Variants in FSD1L observed in about 807,000 individuals in gnomAD.
FSD1L encodes the protein fibronectin type III and SPRY domain containing 1 like.
Under a neutral mutation model 71.6 loss-of-function variants are expected in FSD1L, and 45 were observed. That is an observed-to-expected ratio of 0.63 (90% confidence interval 0.49 to 0.81). The LOEUF (loss-of-function observed/expected upper bound fraction) is 0.81, where lower values mean the gene tolerates loss of function less well. Among genes scored for constraint, FSD1L ranks in the 30% least tolerant of loss-of-function variants. The probability of loss-of-function intolerance (pLI) is 0.00; values close to 1 mark genes in which losing one functional copy is unlikely to be tolerated. For missense variants in FSD1L, 561 were observed against 618.1 expected (o/e 0.91, Z 0.98); for synonymous variants, 197 against 207.2 (o/e 0.95, Z 0.42).
chr9:105,537,755 G>A (rs761224894), intron 12 of FSD1L, among the ~76,000 whole-genome samples: 1 of 152,004 alleles, frequency 6.6e-6, no homozygotes, highest in African/African-American at 2.4e-5. Context: ...AAGACTTTTC[G>A]GGAAGCAGTC....
chr9:105,459,582 C>T (rs1186272786), intron 1 of FSD1L, among the ~76,000 whole-genome samples: 1 of 152,172 alleles, frequency 6.6e-6, no homozygotes. Flanking sequence ...GGGAACTTTG[C>T]GAATATTTCC....
At chr9:105,487,635 G>A (rs995487773) in intron 7 of FSD1L, among the ~76,000 whole-genome samples, 1 of 151,964 alleles carries the variant, frequency 6.6e-6, no homozygotes, top group African/African-American at 2.4e-5. Flanking sequence ...ATGTATTAAG[G>A]AAGTCAACCT....
At position 105,535,154 on chromosome 9, in the gene FSD1L, A is replaced by G. The variant is rs2131494188; in HGVS notation, c.1214A>G (p.Lys405Arg). Residue 405 changes from lysine (K) to arginine (R), a missense_variant, in exon 12 of 14, where the codon AAA (lysine) becomes AGA (arginine). Transcript: ENST00000481272. ...TCCTACAGTGTGGGAGTAGCATACA[A>G]AACGTTGGGGAAATTTGACCAATTG... ...CKSYSVGVAY[K>R]TLGKFDQLGK... 6.4e-7 allele frequency: 1 copy of G among 1,551,968 alleles called. No individual in the cohort carries two copies. The highest frequency in any genetic ancestry group is 8.7e-7 in the Non-Finnish European group (1 of 1,147,028).
intron 3 of FSD1L, among the ~76,000 whole-genome samples, chr9:105,466,729 A>C (rs1322144396): frequency 6.6e-6 from 1 of 152,072 alleles, no homozygotes. Context: ...GCTATCTTGA[A>C]CTATTTTATT....
chr9:105,452,669 G>GCCTTCCTTCCTTCCTTCCTT lies in FSD1L; in HGVS notation c.15+4464_15+4483dup, dbSNP rs1166449916. On this transcript the variant is annotated intron_variant, in intron 1 of 13. Transcript: ENST00000481272. ...TGCCTGCCTGCCTGCCTGCCTGCCT[G>GCCTTCCTTCCTTCCTTCCTT]CCTTCCTTCCTTCCTTCCTTCCTTC... is the stretch of plus-strand genomic sequence containing the variant. Among the ~76,000 whole-genome samples the GCCTTCCTTCCTTCCTTCCTT allele has an allele frequency of 2.5e-3, 239 of 96,216 alleles. 2 individuals carry two copies. Among genetic ancestry groups the GCCTTCCTTCCTTCCTTCCTT allele is most frequent in the African/African-American group, 4.9e-3 (116 of 23,580 alleles). The allele number at this position is 96,216 out of a possible 152,430, so 63.1% of individuals were successfully genotyped here.
chr9:105,447,852 A>C, upstream of FSD1L: 1 of 354,636 alleles, frequency 2.8e-6, no homozygotes, highest in Non-Finnish European at 5.1e-6. Flanking sequence ...GGCCTATTTC[A>C]GGGCCGGAGA....
At chr9:105,504,860 G>A (rs1340502865) in intron 7 of FSD1L, among the ~76,000 whole-genome samples, 1 of 152,094 alleles carries the variant, frequency 6.6e-6, no homozygotes. Context: ...GATACAGAGG[G>A]CCAACTTTGC....
intron 10 of FSD1L, among the ~76,000 whole-genome samples, chr9:105,533,414 A>ATTTTTTTTTTTTTTTT (rs1271918066): frequency 3.1e-3 from 41 of 13,366 alleles, no homozygotes; most frequent in South Asian, 7.6e-3. Context: ...TGCCATTTCC[A>ATTTTTTTTTTTTTTTT]TCTTTTTTTT....
At chr9:105,445,963 C>G (rs1829633165), upstream of FSD1L, among the ~76,000 whole-genome samples, 1 of 152,206 alleles carries the variant, frequency 6.6e-6, no homozygotes, top group Admixed American at 6.5e-5. Flanking sequence ...CCAGCCTTAG[C>G]CAAGCTCTTC....
At position 105,531,880 on chromosome 9, in the gene FSD1L, T is replaced by C. The variant is rs192344222; in HGVS notation, c.1026-2613T>C. On this transcript the variant is annotated intron_variant, in intron 10 of 13. Coordinates refer to ENST00000481272, the MANE Select transcript of FSD1L (RefSeq NM_001145313.3). ...ATTTATATACCGTGTTGAAACAATT[T>C]TACTTTCGCCCTCTTCCTTTTCATG... Among the ~76,000 whole-genome samples the C allele has an allele frequency of 1.6e-3, 246 of 152,340 alleles. 2 individuals carry two copies. Among genetic ancestry groups the C allele is most frequent in the Middle Eastern group, 3.4e-3 (1 of 294 alleles).
intron 10 of FSD1L, chr9:105,521,588 A>T: frequency 1.2e-6 from 2 of 1,613,354 alleles, no homozygotes; most frequent in Non-Finnish European, 1.7e-6. Context: ...AAGAGGAAAA[A>T]CCTTTGTTCA....
At chr9:105,521,076 A>G (rs1190552236) in intron 10 of FSD1L, 3 of 1,613,476 alleles carry the variant, frequency 1.9e-6, no homozygotes, top group Non-Finnish European at 1.7e-6. Flanking sequence ...GATGAGACCA[A>G]AGCCACATTA....
At chr9:105,530,422 T>C in intron 10 of FSD1L, 1 of 499,130 alleles carries the variant, frequency 2.0e-6, no homozygotes, top group Non-Finnish European at 3.5e-6. Context: ...TACTTAACTT[T>C]TCTCTGAAAT....
In FSD1L at chr9:105,448,216, T is replaced by G; in HGVS notation, c.-5T>G. The stretch of plus-strand genomic sequence containing the variant: ...GTTCGAGCCCAGTGGGCTTAGCCAC[T>G]CGCCATGGACTCCCAGAAAGTAAGC... On this transcript the variant is annotated 5_prime_UTR_variant, in exon 1 of 14. Coordinates refer to ENST00000481272, the MANE Select transcript of FSD1L (RefSeq NM_001145313.3). 1.3e-6 allele frequency: 2 copies of G among 1,527,188 alleles called. No homozygotes were observed. Among genetic ancestry groups the G allele is most frequent in the Non-Finnish European group, 1.8e-6 (2 of 1,134,154 alleles). 94.6% of individuals were successfully genotyped at this position (1,527,188 alleles called of 1,614,324 possible).
intron 7 of FSD1L, among the ~76,000 whole-genome samples, chr9:105,491,970 T>G (rs567492809): frequency 3.5e-4 from 53 of 152,210 alleles, no homozygotes; most frequent in African/African-American, 1.2e-3. Flanking sequence ...CTTTTTTGGT[T>G]GTGTCTCTGC....
At chr9:105,445,862 G>T (rs1385062404), upstream of FSD1L, among the ~76,000 whole-genome samples, 3 of 152,110 alleles carry the variant, frequency 2.0e-5, no homozygotes, top group Non-Finnish European at 4.4e-5. Flanking sequence ...ACTAAGAGAT[G>T]GGCATCTCTT....
chr9:105,494,235 C>G (rs1833180067), intron 7 of FSD1L, among the ~76,000 whole-genome samples: 1 of 152,142 alleles, frequency 6.6e-6, no homozygotes, highest in Admixed American at 6.5e-5. Flanking sequence ...TCCCTTCTCG[C>G]TTCATTTCAT....
intron 13 of FSD1L, among the ~76,000 whole-genome samples, chr9:105,544,269 A>T (rs997381995): frequency 6.6e-6 from 1 of 151,898 alleles, no homozygotes; most frequent in Non-Finnish European, 1.5e-5. Context: ...CCACTTTTTG[A>T]TGGGGTTGTT....
chr9:105,526,394 G>A (rs1220210916), intron 10 of FSD1L: 1 of 1,613,222 alleles, frequency 6.2e-7, no homozygotes, highest in Non-Finnish European at 8.5e-7. Context: ...CTCCTACCCA[G>A]AGATTCTACC....
Sources: gnomAD v4.1 joint callset for allele counts (sites outside exome capture counted in the v4.1 genomes callset) on GRCh38, gnomAD v4.1.1 for gene constraint, MANE v1.5 for transcripts, NCBI Gene and HGNC (gene_info 2026-07-23, HGNC 2026-07-21) for gene names.